The following BNC2 variants were observed in gnomAD, a reference collection of about 807,000 sequenced individuals.
The protein encoded by BNC2 is zinc finger protein basonuclin-2.
BNC2 carries 20 observed loss-of-function variants against 76.3 expected under a neutral mutation model. The observed-to-expected ratio is 0.26, with a 90% CI of 0.18 to 0.38. The LOEUF (loss-of-function observed/expected upper bound fraction) is 0.38. Among genes scored for constraint, BNC2 ranks in the 10% least tolerant of loss-of-function variants. The pLI, the probability that BNC2 is intolerant of heterozygous loss-of-function variation, is 1.00. For synonymous variants in BNC2, 582 were observed against 514.8 expected, an observed-to-expected ratio of 1.13 and a Z score of -1.77; for missense variants, 1,382 against 1,399.8, an observed-to-expected ratio of 0.99 and a Z score of 0.20.
At chr9:16,845,969 G>GA (rs1818972090) in intron 1 of BNC2, among the ~76,000 whole-genome samples, 1 of 151,870 alleles carries the variant, frequency 6.6e-6, no homozygotes, top group African/African-American at 2.4e-5. Context: ...CTAACACGGT[G>GA]AAACCCCGTC....
At chr9:16,453,570 C>T (rs559157712) in intron 5 of BNC2, among the ~76,000 whole-genome samples, 2 of 152,264 alleles carry the variant, frequency 1.3e-5, no homozygotes, top group South Asian at 4.1e-4. Flanking sequence ...ACTCCTTTCA[C>T]CCCACTCACA....
chr9:16,566,301 G>C (rs1285331399), intron 4 of BNC2, among the ~76,000 whole-genome samples: 4 of 152,050 alleles, frequency 2.6e-5, no homozygotes, highest in Non-Finnish European at 5.9e-5. Context: ...GTATATAATA[G>C]AATAAAAAGC....
intron 3 of BNC2, among the ~76,000 whole-genome samples, chr9:16,658,984 G>C (rs1241290770): frequency 6.6e-6 from 1 of 152,134 alleles, no homozygotes; most frequent in African/African-American, 2.4e-5. Context: ...ATTGATCATC[G>C]CAACTGTCTC....
rs1361532411 is a variant in BNC2, at chr9:16,436,319, A to T, written c.1875T>A (p.Ala625=). The T allele has an allele frequency of 3.1e-6, 5 of 1,614,166 alleles. No individual in the cohort carries two copies. The highest frequency in any genetic ancestry group is 4.2e-6 in the Non-Finnish European group (5 of 1,180,024). The change falls in exon 6 of 7, where the codon GCT becomes GCA. Residue 625 remains alanine, a synonymous_variant. Transcript: ENST00000380672. ...AVMMATHEPS[A]DLAPKKKPRK... ...TGGGCTTTTTCTTGGGTGCCAGGTC[A>T]GCACTGGGCTCATGGGTGGCCATCA...
At chr9:16,499,552 C>T in intron 5 of BNC2, among the ~76,000 whole-genome samples, 1 of 124,330 alleles carries the variant, frequency 8.0e-6, no homozygotes, top group African/African-American at 3.1e-5. Flanking sequence ...TTTTTTGAGA[C>T]AGAGTCTCAC....
At chr9:16,842,514 G>C (rs1267831250) in intron 1 of BNC2, among the ~76,000 whole-genome samples, 4 of 150,344 alleles carry the variant, frequency 2.7e-5, no homozygotes, top group African/African-American at 7.3e-5. Context: ...GTTGAGGATA[G>C]AGTTTCTCTG....
intron 5 of BNC2, among the ~76,000 whole-genome samples, chr9:16,531,709 T>A (rs965614341): frequency 1.3e-5 from 2 of 152,210 alleles, no homozygotes; most frequent in African/African-American, 4.8e-5. Flanking sequence ...CTCAAAGGGT[T>A]ATACACAGAA....
At chr9:16,528,048 C>T (rs1189327204) in intron 5 of BNC2, among the ~76,000 whole-genome samples, 1 of 152,080 alleles carries the variant, frequency 6.6e-6, no homozygotes, top group African/African-American at 2.4e-5. Flanking sequence ...CTTGTATTAT[C>T]AACAGTAAAA....
intron 1 of BNC2, among the ~76,000 whole-genome samples, chr9:16,801,769 C>T (rs1817788148): frequency 6.7e-6 from 1 of 149,564 alleles, no homozygotes; most frequent in Admixed American, 6.7e-5. Context: ...AAAAATAAAA[C>T]TGCCTCTCAA....
At chr9:16,664,619 T>A (rs563227962) in intron 3 of BNC2, among the ~76,000 whole-genome samples, 1 of 151,032 alleles carries the variant, frequency 6.6e-6, no homozygotes, top group Admixed American at 6.6e-5. Context: ...TGGTGTTGGG[T>A]AGGATGCTCA....
At chr9:16,508,445 A>T (rs546366229) in intron 5 of BNC2, among the ~76,000 whole-genome samples, 1 of 152,312 alleles carries the variant, frequency 6.6e-6, no homozygotes, top group East Asian at 1.9e-4. Flanking sequence ...CTCAGTAAAA[A>T]AACATCATAA....
At position 16,822,005 on chromosome 9, in the gene BNC2, AT is replaced by A. The variant is rs1359514545; in HGVS notation, c.3+48640del. 4.0e-5 allele frequency among the ~76,000 whole-genome samples: 6 copies of A among 148,898 alleles called. No individual in the cohort carries two copies. In the East Asian group the frequency reaches 1.2e-3, roughly 31 times the overall value. On this transcript the variant is annotated intron_variant, in intron 1 of 6. Coordinates refer to ENST00000380672, the MANE Select transcript of BNC2 (RefSeq NM_017637.6). ...CTACTCGGGAGGCTGAAGCAGGAGA[AT>A]GGCATGAACCCGGAAAGCGGAGCCT...
At chr9:16,672,593 G>A (rs148179955) in intron 3 of BNC2, among the ~76,000 whole-genome samples, 13 of 152,184 alleles carry the variant, frequency 8.5e-5, no homozygotes, top group African/African-American at 1.9e-4. Context: ...CGATTTTATC[G>A]TATCACACTC....
At chr9:16,650,772 G>A (rs1260048605) in intron 3 of BNC2, among the ~76,000 whole-genome samples, 1 of 152,032 alleles carries the variant, frequency 6.6e-6, no homozygotes, top group Non-Finnish European at 1.5e-5. Context: ...CAGCTTCCAG[G>A]TAGCAAAAAA....
At chr9:16,817,985 T>A (rs1342657641) in intron 1 of BNC2, among the ~76,000 whole-genome samples, 1 of 152,128 alleles carries the variant, frequency 6.6e-6, no homozygotes, top group Non-Finnish European at 1.5e-5. Context: ...GTTAGTCTAA[T>A]GCCAAGCTAA....
chr9:16,860,617 C>G (rs1439274511), intron 1 of BNC2, among the ~76,000 whole-genome samples: 1 of 152,192 alleles, frequency 6.6e-6, no homozygotes, highest in East Asian at 1.9e-4. Context: ...AGAGGTAAAT[C>G]TTCATGATCT....
At chr9:16,816,366 A>G (rs746253741) in intron 1 of BNC2, among the ~76,000 whole-genome samples, 2 of 152,282 alleles carry the variant, frequency 1.3e-5, no homozygotes, top group East Asian at 1.9e-4. Context: ...ACGAAGCTCA[A>G]TGCAGGGGCA....
At chr9:16,506,063 C>G (rs1415330987) in intron 5 of BNC2, among the ~76,000 whole-genome samples, 3 of 152,168 alleles carry the variant, frequency 2.0e-5, no homozygotes, top group Admixed American at 1.3e-4. Context: ...GTTGACGAAA[C>G]TGGCACAGAC....
At chr9:16,595,569 T>TA (rs1228524013) in intron 3 of BNC2, among the ~76,000 whole-genome samples, 2 of 152,168 alleles carry the variant, frequency 1.3e-5, no homozygotes. Context: ...AATACAATGT[T>TA]ACCATTTCTT....
Sources: allele counts gnomAD v4.1 joint callset (sites outside exome capture counted in the v4.1 genomes callset), GRCh38; gene constraint gnomAD v4.1.1; transcripts MANE v1.5; gene names NCBI Gene and HGNC (gene_info 2026-07-23, HGNC 2026-07-21).